The following MEF2B variants were observed in gnomAD, a reference collection of about 807,000 sequenced individuals.
MEF2B encodes the protein myocyte-specific enhancer factor 2B.
In MEF2B, 15 loss-of-function variants were observed where a neutral mutation model predicts 32.2. That is an observed-to-expected ratio of 0.47 (90% confidence interval 0.31 to 0.72). MEF2B has a LOEUF of 0.72. Ranked by LOEUF, MEF2B falls within the 30% of genes least tolerant of loss-of-function variation. MEF2B has a pLI of 0.05. For synonymous variants in MEF2B, 205 were observed against 225.6 expected (o/e 0.91, Z 0.82); for missense variants, 441 against 511.5 (o/e 0.86, Z 1.33).
chr19:19,159,281 C>T (rs1372854039), intron 1 of MEF2B, among the ~76,000 whole-genome samples: 2 of 141,562 alleles, frequency 1.4e-5, no homozygotes, highest in Non-Finnish European at 3.0e-5. Flanking sequence ...TCTAGCGGGG[C>T]ATGGTGGTGC....
chr19:19,151,826 A>C (rs1417450658), intron 1 of MEF2B, among the ~76,000 whole-genome samples: 1 of 152,042 alleles, frequency 6.6e-6, no homozygotes, highest in Middle Eastern at 3.2e-3. Flanking sequence ...ACAAGTTATC[A>C]AGAAATCCAG....
chr19:19,158,318 C>A lies in MEF2B; in HGVS notation c.-29-7554G>T, dbSNP rs1372022754. 2.3e-5 allele frequency among the ~76,000 whole-genome samples: 3 copies of A among 128,248 alleles called. No individual in the cohort carries two copies. The East Asian group carries it at 7.5e-4, about 32-fold the overall frequency. The allele number at this position is 128,248 out of a possible 152,430, so 84.1% of individuals were successfully genotyped here. ...GGCCAGGCTGGTCTTAAACTCCTGG[C>A]CTCAGGTGATCTGCCCACCTCAGGG... On this transcript the variant is annotated intron_variant, in intron 1 of 8. Coordinates refer to ENST00000424583, the MANE Select transcript of MEF2B (RefSeq NM_001145785.2).
intron 1 of MEF2B, among the ~76,000 whole-genome samples, chr19:19,152,859 G>C (rs1038925457): frequency 6.6e-5 from 10 of 152,164 alleles, no homozygotes; most frequent in African/African-American, 1.4e-4. Context: ...GTGACCCCAG[G>C]CACACCCTCT....
chr19:19,149,945 C>CGTG (rs2060058864), intron 2 of MEF2B, among the ~76,000 whole-genome samples: 2 of 151,066 alleles, frequency 1.3e-5, no homozygotes, highest in African/African-American at 4.9e-5. Context: ...CCTAGCCAGG[C>CGTG]GTGGTGGTGG....
chr19:19,148,214 G>T (rs1420668338), intron 3 of MEF2B, among the ~76,000 whole-genome samples: 21 of 152,176 alleles, frequency 1.4e-4, no homozygotes, highest in Admixed American at 1.4e-3. Flanking sequence ...CTACAATCCC[G>T]GCACTTTGGG....
At chr19:19,153,403 T>C (rs1345782133) in intron 1 of MEF2B, among the ~76,000 whole-genome samples, 1 of 151,934 alleles carries the variant, frequency 6.6e-6, no homozygotes, top group East Asian at 1.9e-4. Context: ...GCCACAGAGG[T>C]TGGGCCATTC....
chr19:19,153,686 GC>G (rs1340703327), intron 1 of MEF2B, among the ~76,000 whole-genome samples: 7 of 151,998 alleles, frequency 4.6e-5, no homozygotes, highest in Non-Finnish European at 1.5e-5. Context: ...TGAACTCCTG[GC>G]CTCAAGTGAT....
intron 1 of MEF2B, among the ~76,000 whole-genome samples, chr19:19,151,386 A>G (rs2060078535): frequency 6.6e-6 from 1 of 152,024 alleles, no homozygotes; most frequent in Non-Finnish European, 1.5e-5. Context: ...CTTGGAAGAA[A>G]TCCTGTACCC....
At chr19:19,150,566 A>ACTCCTCATGC (rs1198482314) in intron 2 of MEF2B, 116 bp downstream of exon 2, 24 of 1,279,160 alleles carry the variant, frequency 1.9e-5, no homozygotes, top group Non-Finnish European at 2.4e-5. Context: ...TGGCATCAGG[A>ACTCCTCATGC]CTCCTCATGC....
At chr19:19,159,130 G>C (rs1568552134) in intron 1 of MEF2B, among the ~76,000 whole-genome samples, 1 of 151,110 alleles carries the variant, frequency 6.6e-6, no homozygotes, top group Non-Finnish European at 1.5e-5. Context: ...CAGTAGAGAT[G>C]GGGTTTCACC....
At chr19:19,156,194 G>T (rs527926756) in intron 1 of MEF2B, among the ~76,000 whole-genome samples, 5 of 152,292 alleles carry the variant, frequency 3.3e-5, no homozygotes, top group African/African-American at 9.6e-5. Flanking sequence ...GACCTCAGAA[G>T]AAGTAGAAAG....
chr19:19,163,913 C>T (rs2283618), intron 1 of MEF2B, among the ~76,000 whole-genome samples: 25,048 of 152,100 alleles, frequency 0.16, 2,373 homozygotes, highest in East Asian at 0.37. Context: ...AAGCAATCTG[C>T]CTGCCTTGGC....
At chr19:19,167,769 G>C (rs945209957) in intron 1 of MEF2B, among the ~76,000 whole-genome samples, 3 of 152,216 alleles carry the variant, frequency 2.0e-5, no homozygotes, top group Non-Finnish European at 2.9e-5. Context: ...ACAAAGTTCA[G>C]AGAGGGGCAG....
intron 1 of MEF2B, among the ~76,000 whole-genome samples, chr19:19,156,592 A>G (rs12462713): frequency 0.32 from 49,407 of 152,052 alleles, 8,010 homozygotes; most frequent in Admixed American, 0.35. Flanking sequence ...CTCACAGAAC[A>G]GGAAAGTGCA....
At chr19:19,169,069 A>G (rs2060232546) in intron 1 of MEF2B, among the ~76,000 whole-genome samples, 1 of 151,672 alleles carries the variant, frequency 6.6e-6, no homozygotes, top group African/African-American at 2.4e-5. Context: ...ATTTTTTTTT[A>G]AAGCCAGGTG....
chr19:19,167,136 T>A, intron 1 of MEF2B, among the ~76,000 whole-genome samples: 1 of 151,850 alleles, frequency 6.6e-6, no homozygotes, highest in Non-Finnish European at 1.5e-5. Context: ...GGATCACCTG[T>A]GATCAGGAGT....
intron 1 of MEF2B, among the ~76,000 whole-genome samples, chr19:19,158,675 T>C (rs1433606530): frequency 1.3e-5 from 2 of 151,246 alleles, no homozygotes; most frequent in African/African-American, 2.4e-5. Context: ...GGAGAATCAC[T>C]TGAGCCCAGG....
At chr19:19,146,051 TG>T in intron 8 of MEF2B, 29 bp from the exon 9 acceptor site, 1 of 1,401,824 alleles carries the variant, frequency 7.1e-7, no homozygotes, top group Non-Finnish European at 9.3e-7. Flanking sequence ...AGGGAGGCCG[TG>T]AGCTCAGCGA....
At chr19:19,149,941 C>A (rs2060058758) in intron 2 of MEF2B, among the ~76,000 whole-genome samples, 1 of 151,274 alleles carries the variant, frequency 6.6e-6, no homozygotes. Context: ...TTAGCCTAGC[C>A]AGGCGTGGTG....
Sources: gnomAD v4.1 joint callset for allele counts (sites outside exome capture counted in the v4.1 genomes callset) on GRCh38, gnomAD v4.1.1 for gene constraint, MANE v1.5 for transcripts, NCBI Gene and HGNC (gene_info 2026-07-23, HGNC 2026-07-21) for gene names.